Variants in ATRNL1 observed in about 807,000 individuals in gnomAD.
The protein encoded by ATRNL1 is attractin like 1.
Under a neutral mutation model 182.7 loss-of-function variants are expected in ATRNL1, and 95 were observed. The ratio of observed to expected loss-of-function variants is 0.52; its 90% confidence interval spans 0.44 to 0.62. The LOEUF (loss-of-function observed/expected upper bound fraction) is 0.62, where lower values mean the gene tolerates loss of function less well. Among genes scored for constraint, ATRNL1 ranks in the 20% least tolerant of loss-of-function variants. The probability of loss-of-function intolerance (pLI) is 0.00; values close to 1 mark genes in which losing one functional copy is unlikely to be tolerated. For synonymous variants in ATRNL1, 576 were observed against 568.3 expected (o/e 1.01, Z -0.19); for missense variants, 1,471 against 1,679.5 (o/e 0.88, Z 2.17).
chr10:115,129,232 G>A, intron 4 of ATRNL1, 95 bp from the exon 5 acceptor site: 1 of 829,502 alleles, frequency 1.2e-6, no homozygotes, highest in East Asian at 2.7e-5. Flanking sequence ...TAAGCACATA[G>A]GACACAGTAT....
At chr10:115,862,764 C>A (rs1363512871) in intron 28 of ATRNL1, among the ~76,000 whole-genome samples, 2 of 152,074 alleles carry the variant, frequency 1.3e-5, no homozygotes, top group Non-Finnish European at 2.9e-5. Context: ...TATTTTAGTA[C>A]TTTTTTGTAA....
At chr10:115,893,030 A>C (rs1444346901) in intron 28 of ATRNL1, among the ~76,000 whole-genome samples, 1 of 152,202 alleles carries the variant, frequency 6.6e-6, no homozygotes, top group African/African-American at 2.4e-5. Context: ...GAATTTCCAT[A>C]AACAGACTAT....
chr10:115,809,315 CA>C (rs1284395707), intron 27 of ATRNL1, among the ~76,000 whole-genome samples: 1 of 124 alleles, frequency 8.1e-3, no homozygotes, highest in Non-Finnish European at 0.021. Context: ...AGATCCTCTG[CA>C]TTTCCCGTAT....
chr10:115,549,406 T>A, intron 25 of ATRNL1, 52 bp from the exon 26 acceptor site: 1 of 1,374,268 alleles, frequency 7.3e-7, no homozygotes, highest in Non-Finnish European at 1.0e-6. Context: ...GTTTTTTCAT[T>A]ACATAGTTCA....
Position 115,672,298 on chromosome 10 carries a change from C to T in ATRNL1, c.3796-54950C>T, listed in dbSNP as rs1945721419. ...AGTGACTTGCCCTAGATTAAACAGC[C>T]TAGGAAGTTGCAGAGCTGGAATTTC... On this transcript the variant is annotated intron_variant, in intron 26 of 28. Coordinates refer to ENST00000355044, the MANE Select transcript of ATRNL1 (RefSeq NM_207303.4). Among the ~76,000 whole-genome samples, 3 of 151,984 alleles carry T rather than the reference C, an allele frequency of 2.0e-5. No individual in the cohort carries two copies. In the South Asian group the frequency reaches 6.2e-4, roughly 31 times the overall value.
chr10:115,690,622 T>C (rs1555047821), intron 26 of ATRNL1, among the ~76,000 whole-genome samples: 3 of 152,136 alleles, frequency 2.0e-5, no homozygotes, highest in African/African-American at 7.2e-5. Context: ...ACTGTGCCAC[T>C]TTAGTGGACA....
chr10:115,782,022 T>C (rs1424678571), intron 27 of ATRNL1, among the ~76,000 whole-genome samples: 6 of 152,206 alleles, frequency 3.9e-5, no homozygotes, highest in Non-Finnish European at 7.4e-5. Context: ...TTGTTCCAAA[T>C]GATGATTCAT....
intron 26 of ATRNL1, among the ~76,000 whole-genome samples, chr10:115,722,142 C>T (rs1050240608): frequency 1.3e-5 from 2 of 152,208 alleles, no homozygotes; most frequent in East Asian, 1.9e-4. Context: ...TGAATATTAT[C>T]AGCCAACTCA....
intron 8 of ATRNL1, among the ~76,000 whole-genome samples, chr10:115,213,452 A>C (rs1849108206): frequency 6.6e-6 from 1 of 152,074 alleles, no homozygotes; most frequent in Admixed American, 6.6e-5. Flanking sequence ...CTACCCAAGT[A>C]ACCTTTTGTT....
At chr10:115,843,806 T>G (rs1950865603) in intron 27 of ATRNL1, among the ~76,000 whole-genome samples, 1 of 152,070 alleles carries the variant, frequency 6.6e-6, no homozygotes, top group Non-Finnish European at 1.5e-5. Flanking sequence ...TACTTTTTAT[T>G]GTCTTACTCT....
intron 26 of ATRNL1, among the ~76,000 whole-genome samples, chr10:115,561,338 G>A (rs1459432215): frequency 1.3e-5 from 2 of 152,130 alleles, no homozygotes; most frequent in Admixed American, 6.6e-5. Context: ...AAGAATTTGA[G>A]TAGGCATTTC....
At chr10:115,805,436 C>T (rs782366014) in intron 27 of ATRNL1, among the ~76,000 whole-genome samples, 4 of 152,054 alleles carry the variant, frequency 2.6e-5, no homozygotes, top group Admixed American at 6.6e-5. Flanking sequence ...TTCATAAACC[C>T]GTAAAATAAT....
chr10:115,782,121 C>G (rs1277532482), intron 27 of ATRNL1, among the ~76,000 whole-genome samples: 1 of 152,134 alleles, frequency 6.6e-6, no homozygotes, highest in Admixed American at 6.5e-5. Context: ...AGTGTCTTTA[C>G]GCTATTCTAA....
chr10:115,869,255 C>T (rs553122291), intron 28 of ATRNL1, among the ~76,000 whole-genome samples: 8 of 152,248 alleles, frequency 5.3e-5, no homozygotes, highest in African/African-American at 1.7e-4. Flanking sequence ...AAGAGCTGTC[C>T]AGTCTACTTT....
At chr10:115,375,184 A>G (rs1554949221) in intron 19 of ATRNL1, among the ~76,000 whole-genome samples, 1 of 151,690 alleles carries the variant, frequency 6.6e-6, no homozygotes. Flanking sequence ...TATATTTATA[A>G]TTGTTATATC....
Position 115,847,875 on chromosome 10 carries a change from A to G in ATRNL1, c.3904-2A>G. The G allele has an allele frequency of 6.3e-7, 1 of 1,586,060 alleles. No homozygotes were observed. Among genetic ancestry groups the G allele is most frequent in the Non-Finnish European group, 8.7e-7 (1 of 1,155,170 alleles). On this transcript the variant is annotated splice_acceptor_variant, in intron 27 of 28. Transcript: ENST00000355044. LOFTEE classifies it high-confidence loss of function. Reference sequence around the variant, plus strand: ...AAACTTAAAGTGGGTTTTCTTTTTCAGGGGGCACCCAAGCCAATTGCCATT... The same window carrying G: ...AAACTTAAAGTGGGTTTTCTTTTTCGGGGGGCACCCAAGCCAATTGCCATT...
At chr10:115,188,185 G>T (rs1410767268) in intron 8 of ATRNL1, among the ~76,000 whole-genome samples, 1 of 152,032 alleles carries the variant, frequency 6.6e-6, no homozygotes, top group Non-Finnish European at 1.5e-5. Flanking sequence ...ATATGTGTAT[G>T]GGGAGTTCTT....
chr10:115,914,959 A>G (rs1952799148), intron 28 of ATRNL1, among the ~76,000 whole-genome samples: 2 of 152,246 alleles, frequency 1.3e-5, no homozygotes, highest in Non-Finnish European at 2.9e-5. Context: ...TTTGGAAAAA[A>G]ACTAGAATAC....
intron 24 of ATRNL1, among the ~76,000 whole-genome samples, chr10:115,499,943 G>T (rs1297216763): frequency 6.6e-6 from 1 of 152,058 alleles, no homozygotes; most frequent in Non-Finnish European, 1.5e-5. Context: ...TAAGTTTCTG[G>T]TCTCAGGTTT....
Sources: gnomAD v4.1 joint callset for allele counts (sites outside exome capture counted in the v4.1 genomes callset) on GRCh38, gnomAD v4.1.1 for gene constraint, MANE v1.5 for transcripts, NCBI Gene and HGNC (gene_info 2026-07-23, HGNC 2026-07-21) for gene names.